Variants in LARS2 observed in about 807,000 individuals in gnomAD.
The protein encoded by LARS2 is leucyl-tRNA synthetase 2, mitochondrial, also known as leucine--tRNA ligase, mitochondrial.
A neutral mutation model predicts 116.6 loss-of-function variants in LARS2; 81 were observed. That is an observed-to-expected ratio of 0.69 (90% CI 0.58 to 0.84). The LOEUF (loss-of-function observed/expected upper bound fraction) is 0.84. LARS2 is among the 40% of genes least tolerant of loss of function. The probability of loss-of-function intolerance (pLI) is 0.00; values close to 1 mark genes in which losing one functional copy is unlikely to be tolerated. For synonymous variants in LARS2, 396 were observed against 407.2 expected, an observed-to-expected ratio of 0.97 and a Z score of 0.33; for missense variants, 968 against 1,114.5, an observed-to-expected ratio of 0.87 and a Z score of 1.87.
At chr3:45,462,803 T>C (rs1466317154) in intron 8 of LARS2, among the ~76,000 whole-genome samples, 3 of 152,214 alleles carry the variant, frequency 2.0e-5, no homozygotes, top group Non-Finnish European at 4.4e-5. Flanking sequence ...TTTCATTCAC[T>C]TAACTTCCTA....
chr3:45,422,260 A>G (rs1373075025), intron 6 of LARS2: 4 of 152,102 alleles, frequency 2.6e-5, no homozygotes, highest in Non-Finnish European at 4.4e-5. Context: ...TGAACAGGGT[A>G]TGTATGTGAA....
At chr3:45,431,429 A>C (rs979280923) in intron 6 of LARS2, among the ~76,000 whole-genome samples, 1 of 152,234 alleles carries the variant, frequency 6.6e-6, no homozygotes, top group Non-Finnish European at 1.5e-5. Flanking sequence ...TGTCTACATA[A>C]TTTAAGAGAA....
At chr3:45,418,322 A>G (rs1698462435) in intron 5 of LARS2, among the ~76,000 whole-genome samples, 1 of 152,180 alleles carries the variant, frequency 6.6e-6, no homozygotes, top group African/African-American at 2.4e-5. Flanking sequence ...TTACCCAAGG[A>G]TACATTGTAA....
intron 4 of LARS2, among the ~76,000 whole-genome samples, chr3:45,411,859 G>T (rs926015821): frequency 2.0e-5 from 3 of 152,038 alleles, no homozygotes; most frequent in Non-Finnish European, 4.4e-5. Flanking sequence ...ACCACCCTCA[G>T]GTAGGCCCCA....
chr3:45,444,743 G>A (rs1312195822), intron 6 of LARS2, among the ~76,000 whole-genome samples: 1 of 149,586 alleles, frequency 6.7e-6, no homozygotes, highest in East Asian at 1.9e-4. Flanking sequence ...AGATTCATCG[G>A]CTTAGAGAAA....
intron 16 of LARS2, 118 bp downstream of exon 16, chr3:45,513,353 C>T (rs1342884597): frequency 3.5e-5 from 25 of 720,636 alleles, no homozygotes; most frequent in Admixed American, 3.2e-4. Flanking sequence ...GAGAGAGACC[C>T]GCTGGCTGTG....
At chr3:45,459,913 T>C (rs189044890) in intron 8 of LARS2, among the ~76,000 whole-genome samples, 1 of 152,324 alleles carries the variant, frequency 6.6e-6, no homozygotes, top group East Asian at 1.9e-4. Flanking sequence ...GAAGTATAGT[T>C]GTCCCCTTCC....
rs532203634 is a variant in LARS2 at position 45,395,867 on chromosome 3, G to A, written c.234+1180G>A. ...AACAAGTAAAATGAAATGAAAAAAAGGGAAGGTTTGAATGTAATACATAAT... is the reference window on the plus strand; with the variant it reads ...AACAAGTAAAATGAAATGAAAAAAAAGGAAGGTTTGAATGTAATACATAAT... On this transcript the variant is annotated intron_variant, in intron 3 of 21. Transcript: ENST00000645846. 7.9e-5 allele frequency among the ~76,000 whole-genome samples: 12 copies of A among 152,334 alleles called. No individual in the cohort carries two copies. The South Asian group carries it at 2.3e-3, about 29-fold the overall frequency.
At chr3:45,471,279 T>C (rs12491342) in intron 8 of LARS2, among the ~76,000 whole-genome samples, 1 of 152,176 alleles carries the variant, frequency 6.6e-6, no homozygotes. Flanking sequence ...TATTATACAG[T>C]GGGGACCGAA....
intron 20 of LARS2, among the ~76,000 whole-genome samples, chr3:45,535,168 T>C (rs1700681900): frequency 6.6e-6 from 1 of 152,002 alleles, no homozygotes; most frequent in Non-Finnish European, 1.5e-5. Context: ...GCCAACATGG[T>C]AAAACTCTGT....
chr3:45,520,208 T>G lies in LARS2; in HGVS notation c.2215-11T>G. The G allele has an allele frequency of 1.9e-6, 3 of 1,590,118 alleles. No individual in the cohort carries two copies. The highest frequency in any genetic ancestry group is 2.6e-6 in the Non-Finnish European group (3 of 1,158,266). On this transcript the variant is annotated splice_polypyrimidine_tract_variant and intron_variant, in intron 18 of 21. Transcript: ENST00000645846. ...TTTGAAATAAGTAAATAATTGAACC[T>G]TTACTAATAGGTGACCACCCATTTC...
chr3:45,546,658 T>C (rs1372458232), intron 21 of LARS2, among the ~76,000 whole-genome samples: 3 of 85,096 alleles, frequency 3.5e-5, no homozygotes, highest in Non-Finnish European at 5.5e-5. Context: ...AGCAATGGGA[T>C]TGAGGATTTG....
intron 15 of LARS2, chr3:45,509,520 G>A (rs905922292): frequency 2.0e-5 from 3 of 151,992 alleles, no homozygotes; most frequent in Non-Finnish European, 4.4e-5. Context: ...TAGTGCTGAT[G>A]GTTATTTATG....
At chr3:45,526,467 T>C (rs1216549172) in intron 20 of LARS2, among the ~76,000 whole-genome samples, 2 of 152,142 alleles carry the variant, frequency 1.3e-5, no homozygotes, top group African/African-American at 2.4e-5. Context: ...CCGCAACATA[T>C]CCATGGGTTG....
intron 12 of LARS2, 143 bp from the exon 13 acceptor site, chr3:45,491,374 G>A (rs756696055): frequency 2.6e-6 from 2 of 767,814 alleles, no homozygotes; most frequent in Non-Finnish European, 4.2e-6. Flanking sequence ...AGCACCTAGG[G>A]CTCATGAAAG....
chr3:45,419,438 C>G (rs747330019), intron 5 of LARS2, among the ~76,000 whole-genome samples: 23 of 152,186 alleles, frequency 1.5e-4, no homozygotes, highest in Admixed American at 6.5e-4. Context: ...GGCCAAAGAC[C>G]ATTGTGGTTT....
rs572177274 is a variant in LARS2, at chr3:45,491,635, G to A, written c.1358G>A (p.Arg453Gln). Residue 453 changes from arginine (R) to glutamine (Q), a missense_variant, in exon 13 of 22, where the codon CGG becomes CAG. Coordinates refer to ENST00000645846, the MANE Select transcript of LARS2 (RefSeq NM_015340.4). ...AAAGACTGGCTGATTTCACGGCAGC[G>A]GTACTGGGGCACACCAATCCCCATT... is the stretch of plus-strand genomic sequence containing the variant. ...KLKDWLISRQRYWGTPIPIVH... is the reference protein window; with the variant it reads ...KLKDWLISRQQYWGTPIPIVH... 51 of 1,614,190 alleles carry A rather than the reference G, an allele frequency of 3.2e-5. No homozygotes were observed. In the South Asian group the frequency reaches 5.3e-4, roughly 17 times the overall value.
chr3:45,439,625 T>G (rs78807108), intron 6 of LARS2, among the ~76,000 whole-genome samples: 7 of 37,118 alleles, frequency 1.9e-4, no homozygotes, highest in African/African-American at 3.5e-4. Flanking sequence ...TTTCTAACTG[T>G]TTTTTTTTTT....
intron 13 of LARS2, among the ~76,000 whole-genome samples, chr3:45,493,396 G>A (rs1261974366): frequency 6.6e-6 from 1 of 152,136 alleles, no homozygotes; most frequent in East Asian, 1.9e-4. Context: ...ACCACGCCCA[G>A]CCCCTGGATG....
Sources: allele counts gnomAD v4.1 joint callset (sites outside exome capture counted in the v4.1 genomes callset), GRCh38; gene constraint gnomAD v4.1.1; transcripts MANE v1.5; gene names NCBI Gene and HGNC (gene_info 2026-07-23, HGNC 2026-07-21).